The following ADAMTS20 variants were observed in gnomAD, a reference collection of about 807,000 sequenced individuals.
The protein encoded by ADAMTS20 is ADAM metallopeptidase with thrombospondin type 1 motif 20.
ADAMTS20 carries 225 observed loss-of-function variants against 260.1 expected under a neutral mutation model. The observed-to-expected ratio is 0.87, with a 90% confidence interval of 0.78 to 0.97. The LOEUF (loss-of-function observed/expected upper bound fraction) is 0.97. ADAMTS20 is among the 50% of genes least tolerant of loss of function. The pLI is 0.00. For missense variants in ADAMTS20, 2,400 were observed against 2,337.7 expected (o/e 1.03, Z -0.55); for synonymous variants, 802 against 769.5 (o/e 1.04, Z -0.70).
intron 31 of ADAMTS20, among the ~76,000 whole-genome samples, chr12:43,381,743 C>T (rs752818927): frequency 1.3e-4 from 18 of 138,042 alleles, no homozygotes; most frequent in African/African-American, 2.5e-4. Flanking sequence ...ATTATACCAC[C>T]GCACTCCAGC....
At chr12:43,475,403 T>G (rs1434051658) in intron 7 of ADAMTS20, among the ~76,000 whole-genome samples, 1 of 140,264 alleles carries the variant, frequency 7.1e-6, no homozygotes, top group Non-Finnish European at 1.5e-5. Flanking sequence ...ATCGTGAAAA[T>G]GGCCATACTG....
chr12:43,463,483 G>A (rs181001011), intron 10 of ADAMTS20, among the ~76,000 whole-genome samples: 24 of 151,970 alleles, frequency 1.6e-4, no homozygotes, highest in Admixed American at 1.1e-3. Context: ...TGAAGGTTTC[G>A]AAAGAAACAA....
chr12:43,468,042 T>TA (rs1466559814), intron 8 of ADAMTS20, among the ~76,000 whole-genome samples: 3 of 152,142 alleles, frequency 2.0e-5, no homozygotes, highest in African/African-American at 7.2e-5. Flanking sequence ...CCTCTATTCT[T>TA]ACAACACAGA....
chr12:43,364,398 C>T (rs963490972), intron 37 of ADAMTS20, among the ~76,000 whole-genome samples: 1 of 152,002 alleles, frequency 6.6e-6, no homozygotes, highest in African/African-American at 2.4e-5. Flanking sequence ...TCAGACTAAG[C>T]TGACAAAAAC....
intron 36 of ADAMTS20, among the ~76,000 whole-genome samples, chr12:43,371,066 T>C (rs1174050549): frequency 6.6e-6 from 1 of 152,198 alleles, no homozygotes; most frequent in East Asian, 1.9e-4. Context: ...TATAGTTTAG[T>C]ATGCACTGTT....
intron 7 of ADAMTS20, among the ~76,000 whole-genome samples, chr12:43,487,056 A>G (rs1190053286): frequency 6.6e-6 from 1 of 152,248 alleles, no homozygotes; most frequent in Admixed American, 6.5e-5. Flanking sequence ...CATTTGATCC[A>G]GTAATCCCAC....
chr12:43,377,739 T>A (rs1020684597), intron 31 of ADAMTS20, among the ~76,000 whole-genome samples, 177 bp from the exon 32 acceptor site: 3 of 152,142 alleles, frequency 2.0e-5, no homozygotes, highest in Non-Finnish European at 4.4e-5. Flanking sequence ...CCCAGAGTTG[T>A]ACCAATAAAG....
intron 10 of ADAMTS20, among the ~76,000 whole-genome samples, chr12:43,463,202 T>A (rs145507208): frequency 6.6e-6 from 1 of 152,222 alleles, no homozygotes; most frequent in Non-Finnish European, 1.5e-5. Flanking sequence ...TCTTTAAAAC[T>A]TTTTAAAAAA....
At chr12:43,448,433 A>T (rs1297323581) in intron 14 of ADAMTS20, among the ~76,000 whole-genome samples, 3 of 152,156 alleles carry the variant, frequency 2.0e-5, no homozygotes, top group African/African-American at 4.8e-5. Context: ...TAAATGGCTA[A>T]CCATATGCAG....
At chr12:43,398,507 C>T (rs1224978841) in intron 29 of ADAMTS20, among the ~76,000 whole-genome samples, 1 of 152,120 alleles carries the variant, frequency 6.6e-6, no homozygotes, top group Non-Finnish European at 1.5e-5. Context: ...CTCTCAATCT[C>T]GGATTACAAT....
At chr12:43,424,832 TA>T (rs1406565323) in intron 28 of ADAMTS20, among the ~76,000 whole-genome samples, 3 of 151,602 alleles carry the variant, frequency 2.0e-5, no homozygotes, top group Admixed American at 6.6e-5. Context: ...AATAAATATA[TA>T]AAAAAACTAT....
chr12:43,514,086 TAA>T (rs71091163), intron 3 of ADAMTS20, among the ~76,000 whole-genome samples: 19,489 of 99,744 alleles, frequency 0.2, 1,590 homozygotes, highest in Middle Eastern at 0.26. Context: ...GAATAAACTC[TAA>T]AAAAAAAAAA....
At chr12:43,393,351 C>T (rs921482530) in intron 29 of ADAMTS20, among the ~76,000 whole-genome samples, 5 of 151,900 alleles carry the variant, frequency 3.3e-5, no homozygotes, top group Non-Finnish European at 5.9e-5. Flanking sequence ...GACTGGGATG[C>T]ACTACTTCTT....
chr12:43,367,708 G>T, intron 37 of ADAMTS20, among the ~76,000 whole-genome samples: 1 of 152,052 alleles, frequency 6.6e-6, no homozygotes, highest in African/African-American at 2.4e-5. Flanking sequence ...ACAAGATAAA[G>T]AAATTAAAGA....
intron 3 of ADAMTS20, among the ~76,000 whole-genome samples, chr12:43,508,184 G>A (rs1942872867): frequency 6.6e-6 from 1 of 152,048 alleles, no homozygotes; most frequent in South Asian, 2.1e-4. Flanking sequence ...AACAGTTTCT[G>A]TCTGAAATGA....
At chr12:43,486,918 C>A (rs558240380) in intron 7 of ADAMTS20, among the ~76,000 whole-genome samples, 2 of 152,172 alleles carry the variant, frequency 1.3e-5, no homozygotes, top group South Asian at 4.1e-4. Context: ...TAAAGTCAAA[C>A]AACAACAGAT....
chr12:43,375,528 GAT>G lies in ADAMTS20; in HGVS notation c.5313-18_5313-17del. The G allele has an allele frequency of 6.2e-7, 1 of 1,611,622 alleles. No individual in the cohort carries two copies. Among genetic ancestry groups the G allele is most frequent in the Non-Finnish European group, 8.5e-7 (1 of 1,178,834 alleles). On this transcript the variant is annotated splice_polypyrimidine_tract_variant and intron_variant, in intron 35 of 38. Transcript: ENST00000389420. ...ATTTTTTAGTCTGTAACAACATTGGGATATTTTAGTATTAGATGCAGTTACGA... is the reference window on the plus strand; with the variant it reads ...ATTTTTTAGTCTGTAACAACATTGGGATTTTAGTATTAGATGCAGTTACGA...
intron 36 of ADAMTS20, among the ~76,000 whole-genome samples, chr12:43,370,954 T>A (rs1055039697): frequency 6.6e-6 from 1 of 152,188 alleles, no homozygotes; most frequent in Non-Finnish European, 1.5e-5. Flanking sequence ...TTTTCATGGA[T>A]ACAATCTGTT....
chr12:43,513,051 A>G (rs1333301909), intron 3 of ADAMTS20, among the ~76,000 whole-genome samples: 3 of 152,240 alleles, frequency 2.0e-5, no homozygotes, highest in Non-Finnish European at 4.4e-5. Context: ...AACTGAGACA[A>G]GATTTGGATA....
Sources: allele counts gnomAD v4.1 joint callset (sites outside exome capture counted in the v4.1 genomes callset), GRCh38; gene constraint gnomAD v4.1.1; transcripts MANE v1.5; gene names NCBI Gene and HGNC (gene_info 2026-07-23, HGNC 2026-07-21).